BRWD1: variants seen among roughly 807,000 people sequenced by gnomAD.
BRWD1 encodes bromodomain and WD repeat-containing protein 1.
BRWD1 carries 82 observed loss-of-function variants against 251.2 expected under a neutral mutation model. The observed-to-expected ratio is 0.33, with a 90% CI of 0.27 to 0.39. The LOEUF is 0.39. Ranked by LOEUF, BRWD1 falls within the 10% of genes least tolerant of loss-of-function variation. The pLI is 1.00. For missense variants in BRWD1, 2,233 were observed against 2,711.6 expected (o/e 0.82, Z 3.92); for synonymous variants, 918 against 902.8 (o/e 1.02, Z -0.30).
intron 4 of BRWD1, 60 bp downstream of exon 4, chr21:39,312,781 G>A (rs1305574407): frequency 4.2e-6 from 6 of 1,416,790 alleles, no homozygotes; most frequent in African/African-American, 1.4e-5. Context: ...GCGAGGGGAA[G>A]GGGCGGGGGC....
chr21:39,294,271 T>G (rs1013938377), intron 7 of BRWD1, among the ~76,000 whole-genome samples: 1 of 152,186 alleles, frequency 6.6e-6, no homozygotes, highest in African/African-American at 2.4e-5. Flanking sequence ...CGGGTCAGAC[T>G]CCATTACCAA....
intron 4 of BRWD1, among the ~76,000 whole-genome samples, chr21:39,304,447 A>C (rs1361776578): frequency 6.6e-6 from 1 of 151,840 alleles, no homozygotes; most frequent in Non-Finnish European, 1.5e-5. Context: ...AGTCTCTAGA[A>C]AAAAAAATTT....
chr21:39,296,602 T>A, intron 5 of BRWD1: 1 of 1,092,976 alleles, frequency 9.1e-7, no homozygotes, highest in Non-Finnish European at 1.1e-6. Flanking sequence ...ATTCACAAAG[T>A]GCTTTCAACA....
At chr21:39,308,430 C>G (rs1011943989) in intron 4 of BRWD1, among the ~76,000 whole-genome samples, 2 of 145,196 alleles carry the variant, frequency 1.4e-5, no homozygotes, top group African/African-American at 5.1e-5. Context: ...TGCAGTCAGC[C>G]AAGATTATAC....
At chr21:39,238,683 A>C (rs2033893419) in intron 21 of BRWD1, 110 bp from the exon 22 acceptor site, 1 of 687,752 alleles carries the variant, frequency 1.5e-6, no homozygotes, top group Admixed American at 2.8e-5. Context: ...TCTAAGAAAA[A>C]TGAACAGTAA....
At chr21:39,210,246 G>A (rs1257731643) in intron 35 of BRWD1, 99 bp from the exon 36 acceptor site, 4 of 1,037,452 alleles carry the variant, frequency 3.9e-6, no homozygotes, top group Non-Finnish European at 5.6e-6. Flanking sequence ...ATGGAAGAGA[G>A]GAAAAGGTTA....
chr21:39,295,933 A>C (rs1373148501), intron 6 of BRWD1, 30 bp from the exon 7 acceptor site: 4 of 1,510,534 alleles, frequency 2.6e-6, no homozygotes, highest in Non-Finnish European at 2.7e-6. Context: ...AAAATGGTTA[A>C]GGGAGAGCCA....
At chr21:39,233,737 T>C (rs1287373840) in intron 23 of BRWD1, among the ~76,000 whole-genome samples, 1 of 152,182 alleles carries the variant, frequency 6.6e-6, no homozygotes, top group Non-Finnish European at 1.5e-5. Context: ...TAAAGTAGCT[T>C]GGCCGGGCGC....
chr21:39,250,749 A>G (rs2034367961), intron 20 of BRWD1, 47 bp downstream of exon 20: 2 of 1,192,114 alleles, frequency 1.7e-6, no homozygotes, highest in East Asian at 2.4e-5. Flanking sequence ...AAAACTCTAT[A>G]TTTCAATGTA....
At position 39,218,250 on chromosome 21, in the gene BRWD1, G is replaced by T. The variant is rs76171323; in HGVS notation, c.3561C>A (p.Gly1187=). ...TCGGGTATGTACACAAATCAACAGG[G>T]CCTGCAAAAGCTGCTGCTATATCTG... The part of the protein sequence containing the change: ...LNLDIAAAFA[G]PVDLCTYPKY... Residue 1187 remains glycine (G), a synonymous_variant, in exon 31 of 41, where the codon GGC becomes GGA. Coordinates refer to ENST00000342449, the MANE Select transcript of BRWD1 (RefSeq NM_033656.4). The T allele has an allele frequency of 2.4e-3, 3,881 of 1,608,760 alleles. 73 individuals carry two copies. In the African/African-American group the frequency reaches 0.044, roughly 18 times the overall value.
At position 39,193,904 on chromosome 21, in the gene BRWD1, C is replaced by T. The variant is rs2031681119; in HGVS notation, c.*2355G>A. 3.0e-6 allele frequency: 3 copies of T among 985,350 alleles called. No homozygotes were observed. The highest frequency in any genetic ancestry group is 3.6e-6 in the Non-Finnish European group (3 of 829,616). 61.0% of individuals were successfully genotyped at this position (985,350 alleles called of 1,614,324 possible). ...GTGTGTGTCACATATTCAAAGTTAA[C>T]CTTAGGAATAGCACCATAACCAAAA... On this transcript the variant is annotated 3_prime_UTR_variant, in exon 41 of 41. Transcript: ENST00000342449.
intron 4 of BRWD1, among the ~76,000 whole-genome samples, chr21:39,309,998 A>G (rs1374700019): frequency 2.0e-5 from 3 of 152,258 alleles, no homozygotes; most frequent in Non-Finnish European, 4.4e-5. Context: ...ATTCCAACAC[A>G]TTAACCAGTG....
chr21:39,198,948 T>C lies in BRWD1; in HGVS notation c.5468A>G (p.Glu1823Gly), dbSNP rs778901890. The change falls in exon 40 of 41, where the codon GAA (glutamate) becomes GGA (glycine). Residue 1823 changes from glutamate to glycine, a missense_variant. Physicochemically the swap from Glu to Gly is moderately conservative, Grantham distance 98. This residue lies in a region of BRWD1 where 928 missense variants were observed against 970.0 expected (regional missense o/e 0.96). Transcript: ENST00000342449. ...FKKTKILSDS[E>G]DSESEEQDRE... Reference sequence around the variant, plus strand: ...ATCTTGCTCTTCAGATTCAGAGTCTTCTGAGTCACTCAGAATCTTGGTTTT... The same window carrying C: ...ATCTTGCTCTTCAGATTCAGAGTCTCCTGAGTCACTCAGAATCTTGGTTTT... The C allele has an allele frequency of 1.2e-6, 2 of 1,614,166 alleles. No homozygotes were observed. The highest frequency in any genetic ancestry group is 3.3e-5 in the Admixed American group (2 of 60,030).
chr21:39,314,911 C>G (rs529484516), upstream of BRWD1: 1 of 153,238 alleles, frequency 6.5e-6, no homozygotes, highest in Admixed American at 6.5e-5. Flanking sequence ...ATATTTGTGC[C>G]TGTCTCAAAG....
chr21:39,230,067 T>C (rs899143355), intron 25 of BRWD1, among the ~76,000 whole-genome samples: 32 of 152,356 alleles, frequency 2.1e-4, no homozygotes, highest in African/African-American at 7.5e-4. Flanking sequence ...TATAGCTTTA[T>C]ATTATACAGT....
At chr21:39,214,674 G>A (rs1457572076) in intron 32 of BRWD1, among the ~76,000 whole-genome samples, 1 of 151,828 alleles carries the variant, frequency 6.6e-6, no homozygotes, top group Non-Finnish European at 1.5e-5. Flanking sequence ...TATATAAAAT[G>A]TTAACCTAAG....
At chr21:39,219,314 A>C (rs2033078822) in intron 29 of BRWD1, 1 of 152,422 alleles carries the variant, frequency 6.6e-6, no homozygotes, top group Non-Finnish European at 1.5e-5. Flanking sequence ...CCAGCTACTA[A>C]GGAGACTGAG....
chr21:39,320,616 G>A (rs1343244298), intron 1 of BRWD1, among the ~76,000 whole-genome samples: 2 of 150,598 alleles, frequency 1.3e-5, no homozygotes, highest in African/African-American at 2.4e-5. Flanking sequence ...TTATAGGTGT[G>A]ACTACCATAC....
intron 17 of BRWD1, among the ~76,000 whole-genome samples, chr21:39,258,892 G>C (rs2034648412): frequency 6.6e-6 from 1 of 152,090 alleles, no homozygotes; most frequent in South Asian, 2.1e-4. Context: ...ACAAAAACCT[G>C]AAAGCAGCCT....
Sources: allele counts gnomAD v4.1 joint callset (sites outside exome capture counted in the v4.1 genomes callset), GRCh38; gene constraint gnomAD v4.1.1; regional missense constraint gnomAD v4.1.1; transcripts MANE v1.5; gene names NCBI Gene and HGNC (gene_info 2026-07-23, HGNC 2026-07-21).